Variants in DSCAM observed in about 807,000 individuals in gnomAD.
DSCAM encodes cell adhesion molecule DSCAM.
In DSCAM, 47 loss-of-function variants were observed where a neutral mutation model predicts 217.7. That is an observed-to-expected ratio of 0.22 (90% CI 0.17 to 0.28). The LOEUF is 0.28. DSCAM is among the 10% of genes least tolerant of loss of function. The pLI is 1.00. For missense variants in DSCAM, 2,080 were observed against 2,618.3 expected, an observed-to-expected ratio of 0.79 and a Z score of 4.49; for synonymous variants, 1,056 against 1,015.3, an observed-to-expected ratio of 1.04 and a Z score of -0.76.
At chr21:40,578,591 C>T (rs532266128) in intron 3 of DSCAM, among the ~76,000 whole-genome samples, 11 of 152,288 alleles carry the variant, frequency 7.2e-5, no homozygotes, top group African/African-American at 2.6e-4. Context: ...CAGCAGCACC[C>T]AGCGTGGGAC....
intron 1 of DSCAM, among the ~76,000 whole-genome samples, chr21:40,817,585 C>T (rs1282286089): frequency 6.6e-6 from 1 of 152,168 alleles, no homozygotes; most frequent in Non-Finnish European, 1.5e-5. Flanking sequence ...AAGCGTGATG[C>T]ATAATGCATT....
At chr21:40,837,732 G>C (rs998528999) in intron 1 of DSCAM, among the ~76,000 whole-genome samples, 3 of 152,174 alleles carry the variant, frequency 2.0e-5, no homozygotes, top group Non-Finnish European at 4.4e-5. Context: ...GCCTTTGCAG[G>C]AACTGACAAG....
chr21:40,278,315 C>T (rs2123388755), intron 10 of DSCAM, among the ~76,000 whole-genome samples: 1 of 152,166 alleles, frequency 6.6e-6, no homozygotes, highest in African/African-American at 2.4e-5. Flanking sequence ...TCTGTAAAGG[C>T]CAGAGAGTAA....
At chr21:40,085,904 A>G in intron 22 of DSCAM, 139 bp from the exon 23 acceptor site, 1 of 689,400 alleles carries the variant, frequency 1.5e-6, no homozygotes, top group Non-Finnish European at 2.1e-6. Flanking sequence ...AAAGAACTAA[A>G]TATGATTACA....
chr21:40,477,028 G>A (rs1325803923), intron 3 of DSCAM, among the ~76,000 whole-genome samples: 1 of 152,100 alleles, frequency 6.6e-6, no homozygotes, highest in Non-Finnish European at 1.5e-5. Flanking sequence ...TTTGGGAAGA[G>A]CTCAAAGAAA....
chr21:40,827,483 A>AAAAAAAAG (rs1569056712), intron 1 of DSCAM, among the ~76,000 whole-genome samples: 1 of 133,444 alleles, frequency 7.5e-6, no homozygotes, highest in Non-Finnish European at 1.6e-5. Context: ...AAAAAAAAAA[A>AAAAAAAAG]AAAGAAAAGA....
intron 3 of DSCAM, among the ~76,000 whole-genome samples, chr21:40,370,525 C>G (rs1484765432): frequency 2.0e-5 from 3 of 152,036 alleles, no homozygotes; most frequent in African/African-American, 7.2e-5. Flanking sequence ...TGCTTTTGAG[C>G]TTTACATATT....
chr21:40,113,513 G>GC (rs1415994052), intron 20 of DSCAM, among the ~76,000 whole-genome samples: 2 of 152,192 alleles, frequency 1.3e-5, no homozygotes, highest in Non-Finnish European at 2.9e-5. Flanking sequence ...AGACAGGGAT[G>GC]CCCTCTCTCA....
chr21:40,239,244 C>G, intron 11 of DSCAM, among the ~76,000 whole-genome samples: 1 of 151,890 alleles, frequency 6.6e-6, no homozygotes, highest in Admixed American at 6.6e-5. Context: ...TTAGTTTTTC[C>G]TTTTTTTTCA....
At chr21:40,780,441 A>ATATATATATATATATATC (rs1407749651) in intron 1 of DSCAM, among the ~76,000 whole-genome samples, 6 of 141,316 alleles carry the variant, frequency 4.2e-5, no homozygotes, top group Non-Finnish European at 9.4e-5. Context: ...ATATATATAT[A>ATATATATATATATATATC]TATATATCTC....
intron 11 of DSCAM, among the ~76,000 whole-genome samples, chr21:40,236,468 T>C (rs2073081011): frequency 1.3e-5 from 2 of 151,984 alleles, no homozygotes; most frequent in Admixed American, 6.6e-5. Context: ...TTCTGTAGGG[T>C]GTTACTTCCA....
At chr21:40,403,659 AC>A (rs1569106360) in intron 3 of DSCAM, among the ~76,000 whole-genome samples, 9 of 150,674 alleles carry the variant, frequency 6.0e-5, no homozygotes, top group Non-Finnish European at 1.0e-4. Flanking sequence ...ACACACACAC[AC>A]ACAATACACA....
chr21:40,585,419 C>T (rs1188411993), intron 3 of DSCAM, among the ~76,000 whole-genome samples: 1 of 87,010 alleles, frequency 1.1e-5, no homozygotes, highest in African/African-American at 4.0e-5. Context: ...GACTCCGTCT[C>T]AAAAAAAAAA....
intron 3 of DSCAM, among the ~76,000 whole-genome samples, chr21:40,604,274 C>A (rs2089201940): frequency 6.6e-6 from 1 of 152,076 alleles, no homozygotes; most frequent in South Asian, 2.1e-4. Flanking sequence ...AGTTCTAGCA[C>A]CTCCTTTAAA....
chr21:40,845,540 CCTCTCTCTCTCTCTCT>C (rs71332310), intron 1 of DSCAM, among the ~76,000 whole-genome samples: 5 of 138,888 alleles, frequency 3.6e-5, no homozygotes, highest in Non-Finnish European at 7.7e-5. Context: ...CTCTTCTTCT[CCTCTCTCTCTCTCTCT>C]CTCTCTCTCT....
chr21:40,842,355 G>A (rs1182779088), intron 1 of DSCAM, among the ~76,000 whole-genome samples: 1 of 152,186 alleles, frequency 6.6e-6, no homozygotes, highest in South Asian at 2.1e-4. Context: ...GCTCATTTCC[G>A]AAATACTATT....
chr21:40,133,754 C>T, intron 19 of DSCAM, 100 bp downstream of exon 19: 1 of 1,416,966 alleles, frequency 7.1e-7, no homozygotes, highest in Non-Finnish European at 9.4e-7. Flanking sequence ...AAGGTTTGCA[C>T]TGAGAATAGC....
At chr21:40,346,613 T>C (rs1191798229) in intron 6 of DSCAM, among the ~76,000 whole-genome samples, 1 of 152,220 alleles carries the variant, frequency 6.6e-6, no homozygotes, top group East Asian at 1.9e-4. Flanking sequence ...ATATGTTGCC[T>C]GTGATAGCTT....
chr21:40,080,212 G>A lies in DSCAM; in HGVS notation c.4360C>T (p.Gln1454Ter). Residue 1454 changes from glutamine to a stop codon, truncating the protein, a stop_gained, in exon 25 of 33, where the codon CAA (glutamine) becomes TAA (stop). Coordinates refer to ENST00000400454, the MANE Select transcript of DSCAM (RefSeq NM_001389.5). LOFTEE classifies it high-confidence loss of function. ...GTWYKFTLTA[Q>*]NGVGPGRISE... The stretch of plus-strand genomic sequence containing the variant: ...ATGCGCCCTGGGCCCACTCCATTTT[G>A]GGCTGTCAGTGTGAACTTATACCAA... The A allele has an allele frequency of 6.2e-7, 1 of 1,613,060 alleles. No homozygotes were observed. Among genetic ancestry groups the A allele is most frequent in the Non-Finnish European group, 8.5e-7 (1 of 1,179,766 alleles).
Sources: allele counts gnomAD v4.1 joint callset (sites outside exome capture counted in the v4.1 genomes callset), GRCh38; gene constraint gnomAD v4.1.1; transcripts MANE v1.5; gene names NCBI Gene and HGNC (gene_info 2026-07-23, HGNC 2026-07-21).